The following MICU1 variants were observed in gnomAD, a reference collection of about 807,000 sequenced individuals.
MICU1 encodes the protein calcium uptake protein 1, mitochondrial.
MICU1 carries 45 observed loss-of-function variants against 56.8 expected under a neutral mutation model. That is an observed-to-expected ratio of 0.79 (90% confidence interval 0.62 to 1.02). The LOEUF is 1.02. Among genes scored for constraint, MICU1 ranks in the 50% least tolerant of loss-of-function variants. The pLI, the probability that MICU1 is intolerant of heterozygous loss-of-function variation, is 0.00. For missense variants in MICU1, 504 were observed against 587.1 expected (o/e 0.86, Z 1.46); for synonymous variants, 186 against 195.1 (o/e 0.95, Z 0.39).
At chr10:72,621,718 T>C (rs1298045822) in intron 1 of MICU1, among the ~76,000 whole-genome samples, 1 of 152,114 alleles carries the variant, frequency 6.6e-6, no homozygotes, top group African/African-American at 2.4e-5. Context: ...ACATAATATA[T>C]TTAAAGTTAT....
chr10:72,548,162 C>A (rs1380397075), intron 4 of MICU1, among the ~76,000 whole-genome samples: 2 of 152,118 alleles, frequency 1.3e-5, no homozygotes, highest in African/African-American at 4.8e-5. Flanking sequence ...GAGGTTTCAT[C>A]CTGTCAGGCT....
At chr10:72,444,868 T>C (rs1318742601) in intron 8 of MICU1, among the ~76,000 whole-genome samples, 1 of 152,194 alleles carries the variant, frequency 6.6e-6, no homozygotes, top group Non-Finnish European at 1.5e-5. Context: ...ACCTACCCAT[T>C]CTGTATTAAT....
At chr10:72,577,885 C>A (rs1334960732) in intron 1 of MICU1, among the ~76,000 whole-genome samples, 1 of 152,068 alleles carries the variant, frequency 6.6e-6, no homozygotes, top group African/African-American at 2.4e-5. Context: ...TGAGATGAAA[C>A]CTACTCCCAG....
intron 1 of MICU1, among the ~76,000 whole-genome samples, chr10:72,604,461 T>C (rs1841634267): frequency 6.6e-6 from 1 of 152,032 alleles, no homozygotes; most frequent in African/African-American, 2.4e-5. Flanking sequence ...TTAGTAGAGA[T>C]GGGGTTTCTC....
chr10:72,456,983 GTGTT>G, intron 8 of MICU1, among the ~76,000 whole-genome samples: 1 of 141,852 alleles, frequency 7.0e-6, no homozygotes, highest in African/African-American at 2.8e-5. Flanking sequence ...GTGTGTGTGT[GTGTT>G]TTGTTTGTTT....
intron 1 of MICU1, among the ~76,000 whole-genome samples, chr10:72,600,648 CAAAAAA>C (rs71021514): frequency 7.6e-5 from 8 of 105,616 alleles, no homozygotes; most frequent in African/African-American, 2.5e-4. Context: ...GACTCCGTCT[CAAAAAA>C]AAAAAAAAAA....
chr10:72,491,994 T>A (rs1866672578), intron 6 of MICU1, among the ~76,000 whole-genome samples: 1 of 152,142 alleles, frequency 6.6e-6, no homozygotes, highest in African/African-American at 2.4e-5. Context: ...CCTCCAAACA[T>A]CCCTAACTAG....
intron 2 of MICU1, among the ~76,000 whole-genome samples, chr10:72,563,543 A>T (rs2132468690): frequency 6.6e-6 from 1 of 152,344 alleles, no homozygotes; most frequent in East Asian, 1.9e-4. Context: ...CAGAAACAGA[A>T]AGTAGAATGG....
At chr10:72,403,985 G>GT (rs1393458951) in intron 10 of MICU1, among the ~76,000 whole-genome samples, 3 of 122,524 alleles carry the variant, frequency 2.4e-5, no homozygotes, top group South Asian at 5.3e-4. Context: ...TTGGTTATGT[G>GT]TTTTTTGTTT....
chr10:72,516,827 T>C (rs545065029), intron 5 of MICU1, among the ~76,000 whole-genome samples: 1 of 152,280 alleles, frequency 6.6e-6, no homozygotes, highest in Admixed American at 6.5e-5. Context: ...TCTAATTCTT[T>C]AGTAAAAAGG....
intron 8 of MICU1, among the ~76,000 whole-genome samples, chr10:72,430,655 GGTTCAA>G (rs1864495462): frequency 6.6e-6 from 1 of 152,118 alleles, no homozygotes; most frequent in South Asian, 2.1e-4. Context: ...CCACCTTCCA[GGTTCAA>G]GCAATTCTCC....
At chr10:72,610,720 T>C (rs542898783) in intron 1 of MICU1, among the ~76,000 whole-genome samples, 14 of 152,340 alleles carry the variant, frequency 9.2e-5, no homozygotes, top group African/African-American at 3.4e-4. Flanking sequence ...TCCCACCTTC[T>C]GTCTTTGCCA....
chr10:72,369,174 A>G (rs1862244105), intron 11 of MICU1, among the ~76,000 whole-genome samples: 1 of 151,906 alleles, frequency 6.6e-6, no homozygotes, highest in Non-Finnish European at 1.5e-5. Context: ...GCTACTTGGG[A>G]GGCTAAGGCA....
chr10:72,569,784 G>A (rs1042237464), intron 1 of MICU1, among the ~76,000 whole-genome samples: 2 of 152,072 alleles, frequency 1.3e-5, no homozygotes, highest in African/African-American at 4.8e-5. Flanking sequence ...GACCTTCAGG[G>A]CTCAGTATAG....
intron 4 of MICU1, among the ~76,000 whole-genome samples, chr10:72,540,837 G>T (rs756492227): frequency 3.3e-5 from 5 of 152,182 alleles, no homozygotes; most frequent in Non-Finnish European, 7.3e-5. Context: ...CCTTAAAATG[G>T]ACTTCTGAGG....
chr10:72,457,552 C>T (rs1237669707), intron 8 of MICU1, among the ~76,000 whole-genome samples: 1 of 152,038 alleles, frequency 6.6e-6, no homozygotes, highest in African/African-American at 2.4e-5. Context: ...CCACTAGTGC[C>T]TGAGCAGGAG....
At chr10:72,575,745 T>C (rs1304416213) in intron 1 of MICU1, among the ~76,000 whole-genome samples, 3 of 152,196 alleles carry the variant, frequency 2.0e-5, no homozygotes, top group African/African-American at 7.2e-5. Context: ...AACTGTTGTG[T>C]GTGTTCTGCT....
intron 3 of MICU1, among the ~76,000 whole-genome samples, chr10:72,559,088 T>G (rs768965961): frequency 6.6e-6 from 1 of 152,224 alleles, no homozygotes; most frequent in African/African-American, 2.4e-5. Context: ...TTCCAGAGGC[T>G]GAGACAGCAG....
intron 5 of MICU1, among the ~76,000 whole-genome samples, chr10:72,518,322 C>T (rs1240136471): frequency 6.6e-6 from 1 of 152,080 alleles, no homozygotes; most frequent in African/African-American, 2.4e-5. Flanking sequence ...GCGTGAGCCA[C>T]TGCACCTGGC....
Sources: gnomAD v4.1 joint callset for allele counts (sites outside exome capture counted in the v4.1 genomes callset) on GRCh38, gnomAD v4.1.1 for gene constraint, MANE v1.5 for transcripts, NCBI Gene and HGNC (gene_info 2026-07-23, HGNC 2026-07-21) for gene names.